The following SLC16A12 variants were observed in gnomAD, a reference collection of about 807,000 sequenced individuals.
The protein encoded by SLC16A12 is monocarboxylate transporter 12.
A neutral mutation model predicts 42.4 loss-of-function variants in SLC16A12; 17 were observed. The ratio of observed to expected loss-of-function variants is 0.40; its 90% CI spans 0.27 to 0.60. The LOEUF (loss-of-function observed/expected upper bound fraction) is 0.60, where lower values mean the gene tolerates loss of function less well. Ranked by LOEUF, SLC16A12 falls within the 20% of genes least tolerant of loss-of-function variation. The probability of loss-of-function intolerance (pLI) is 0.42; values close to 1 mark genes in which losing one functional copy is unlikely to be tolerated. For synonymous variants in SLC16A12, 224 were observed against 229.4 expected (o/e 0.98, Z 0.21); for missense variants, 544 against 623.0 (o/e 0.87, Z 1.35).
chr10:89,495,125 C>G (rs1842905442), intron 2 of SLC16A12, among the ~76,000 whole-genome samples: 1 of 152,040 alleles, frequency 6.6e-6, no homozygotes, highest in Non-Finnish European at 1.5e-5. Context: ...TCGAGGTGGG[C>G]AGATCACCTG....
At chr10:89,491,137 A>C (rs1470304336) in intron 2 of SLC16A12, among the ~76,000 whole-genome samples, 3 of 152,170 alleles carry the variant, frequency 2.0e-5, no homozygotes, top group Admixed American at 1.3e-4. Context: ...CATGAGGCAA[A>C]AGATGCGTCA....
chr10:89,543,251 CA>C (rs1174961271), intron 2 of SLC16A12, among the ~76,000 whole-genome samples: 1 of 152,098 alleles, frequency 6.6e-6, no homozygotes, highest in Non-Finnish European at 1.5e-5. Flanking sequence ...TTTTCTGTTT[CA>C]AATTGTCATA....
At chr10:89,549,986 T>G (rs965442274) in intron 2 of SLC16A12, among the ~76,000 whole-genome samples, 4 of 152,172 alleles carry the variant, frequency 2.6e-5, no homozygotes, top group African/African-American at 9.7e-5. Context: ...TGGACTTTCA[T>G]TCATTCCATT....
At chr10:89,555,484 T>TACGTATATATATGTGTATATAC (rs2133894509) in intron 2 of SLC16A12, among the ~76,000 whole-genome samples, 1 of 147,268 alleles carries the variant, frequency 6.8e-6, no homozygotes, top group African/African-American at 2.5e-5. Flanking sequence ...TGTGTATATA[T>TACGTATATATATGTGTATATAC]ACGTATATAT....
At chr10:89,507,543 C>G (rs748736880) in intron 2 of SLC16A12, among the ~76,000 whole-genome samples, 36 of 152,166 alleles carry the variant, frequency 2.4e-4, no homozygotes, top group Non-Finnish European at 4.0e-4. Context: ...TTGTCATCAC[C>G]AGGCCTGCCA....
intron 7 of SLC16A12, among the ~76,000 whole-genome samples, chr10:89,433,976 G>A (rs2133674886): frequency 6.6e-6 from 1 of 152,136 alleles, no homozygotes; most frequent in South Asian, 2.1e-4. Context: ...GAAAACCAGT[G>A]GAATAACATT....
intron 2 of SLC16A12, among the ~76,000 whole-genome samples, chr10:89,486,638 A>G (rs1182106509): frequency 7.8e-6 from 1 of 128,150 alleles, no homozygotes; most frequent in Non-Finnish European, 1.7e-5. Context: ...AAAGAAAGAA[A>G]GAAAGAAAGA....
At position 89,444,959 on chromosome 10, in the gene SLC16A12, C is replaced by T. The variant is rs562914411; in HGVS notation, c.201-1100G>A. ...CCAGGAGATTTTATCCTGTGCCTAGCTCAGCAAGCCCTACGCCCATGGAGC... is the reference window on the plus strand; with the variant it reads ...CCAGGAGATTTTATCCTGTGCCTAGTTCAGCAAGCCCTACGCCCATGGAGC... On this transcript the variant is annotated intron_variant, in intron 3 of 7. Coordinates refer to ENST00000371790, the MANE Select transcript of SLC16A12 (RefSeq NM_213606.4). Among the ~76,000 whole-genome samples, 16 of 152,372 alleles carry T rather than the reference C, an allele frequency of 1.1e-4. No individual in the cohort carries two copies. In the South Asian group the frequency reaches 3.1e-3, roughly 30 times the overall value.
intron 2 of SLC16A12, among the ~76,000 whole-genome samples, chr10:89,490,081 T>C (rs1014803814): frequency 2.0e-5 from 3 of 152,224 alleles, no homozygotes; most frequent in Admixed American, 2.0e-4. Flanking sequence ...ACTCAAGGTA[T>C]GAAGGGTCTT....
At chr10:89,551,911 CT>C (rs1449402829) in intron 2 of SLC16A12, among the ~76,000 whole-genome samples, 4 of 152,044 alleles carry the variant, frequency 2.6e-5, no homozygotes, top group Non-Finnish European at 5.9e-5. Flanking sequence ...TTGTTTTGCC[CT>C]TTTGAAGAGA....
chr10:89,498,798 T>C (rs1348323355), intron 2 of SLC16A12, among the ~76,000 whole-genome samples: 1 of 152,044 alleles, frequency 6.6e-6, no homozygotes, highest in African/African-American at 2.4e-5. Context: ...ACGCTCCACA[T>C]CATAGGCCTC....
intron 2 of SLC16A12, among the ~76,000 whole-genome samples, chr10:89,467,211 C>T (rs191587034): frequency 4.6e-5 from 7 of 152,276 alleles, no homozygotes; most frequent in South Asian, 2.1e-4. Context: ...CATAAACATC[C>T]GGCATAAGGA....
intron 2 of SLC16A12, among the ~76,000 whole-genome samples, chr10:89,549,808 T>C (rs1843760347): frequency 6.6e-6 from 1 of 152,138 alleles, no homozygotes; most frequent in Non-Finnish European, 1.5e-5. Context: ...GCCAGCATTG[T>C]AACAAGCTTT....
intron 2 of SLC16A12, among the ~76,000 whole-genome samples, chr10:89,499,007 A>G (rs1459943306): frequency 2.0e-5 from 3 of 152,216 alleles, no homozygotes; most frequent in Non-Finnish European, 4.4e-5. Context: ...TCCCTCTGAC[A>G]GAGCCTACCC....
intron 2 of SLC16A12, among the ~76,000 whole-genome samples, chr10:89,523,643 C>A (rs12263699): frequency 0.098 from 14,952 of 151,910 alleles, 1,139 homozygotes; most frequent in African/African-American, 0.21. Flanking sequence ...GTCATCATTC[C>A]TTCATTCATT....
At chr10:89,508,755 C>A (rs1843112049) in intron 2 of SLC16A12, among the ~76,000 whole-genome samples, 1 of 152,026 alleles carries the variant, frequency 6.6e-6, no homozygotes, top group Middle Eastern at 3.4e-3. Flanking sequence ...GATAGAGACA[C>A]AAAAAACCCT....
rs1191486363 is a variant in SLC16A12 at position 89,432,820 on chromosome 10, C to T, written c.*244G>A. 3 of 483,092 alleles carry T rather than the reference C, an allele frequency of 6.2e-6. No individual in the cohort carries two copies. The East Asian group carries it at 1.2e-4, about 19-fold the overall frequency. 29.9% of individuals were successfully genotyped at this position (483,092 alleles called of 1,614,324 possible). On this transcript the variant is annotated 3_prime_UTR_variant, in exon 8 of 8. Transcript: ENST00000371790. ...TCCTTACATTTCTTACAGAGCTATG[C>T]CCATTGACCAAAAGATACGAGTTCA...
At chr10:89,554,087 A>AGAAAGAAGGAAGGAAGGAAGGAAGGAAG (rs1843790365) in intron 2 of SLC16A12, among the ~76,000 whole-genome samples, 10 of 34,238 alleles carry the variant, frequency 2.9e-4, no homozygotes, top group African/African-American at 1.1e-3. Flanking sequence ...AAAGAAAGAA[A>AGAAAGAAGGAAGGAAGGAAGGAAGGAAG]GAAAGAAAGA....
chr10:89,462,176 G>A (rs1173769544), intron 3 of SLC16A12, among the ~76,000 whole-genome samples: 1 of 151,954 alleles, frequency 6.6e-6, no homozygotes, highest in Non-Finnish European at 1.5e-5. Context: ...CACATGAAAA[G>A]ACCACTATCT....
Sources: allele counts gnomAD v4.1 joint callset (sites outside exome capture counted in the v4.1 genomes callset), GRCh38; gene constraint gnomAD v4.1.1; transcripts MANE v1.5; gene names NCBI Gene and HGNC (gene_info 2026-07-23, HGNC 2026-07-21).